The following MGMT variants were observed in gnomAD, a reference collection of about 807,000 sequenced individuals.
MGMT encodes O-6-methylguanine-DNA methyltransferase, also known as methylated-DNA--protein-cysteine methyltransferase.
Under a neutral mutation model 15.9 loss-of-function variants are expected in MGMT, and 14 were observed. The ratio of observed to expected loss-of-function variants is 0.88; its 90% CI spans 0.58 to 1.37. The LOEUF is 1.37. MGMT is among the 40% of genes most tolerant of loss of function. The pLI is 0.00. For missense variants in MGMT, 282 were observed against 268.1 expected (o/e 1.05, Z -0.36); for synonymous variants, 130 against 118.2 (o/e 1.10, Z -0.65).
chr10:129,658,846 G>C (rs899632274), intron 2 of MGMT, among the ~76,000 whole-genome samples: 1 of 152,080 alleles, frequency 6.6e-6, no homozygotes, highest in African/African-American at 2.4e-5. Flanking sequence ...CCCTTAGCTC[G>C]CGTGCCCAAC....
intron 3 of MGMT, among the ~76,000 whole-genome samples, chr10:129,726,698 C>T (rs868851499): frequency 1.3e-5 from 2 of 152,230 alleles, no homozygotes; most frequent in Admixed American, 6.5e-5. Context: ...TCAGTTTTGT[C>T]TCTTTGCTGC....
intron 1 of MGMT, 118 bp downstream of exon 1, chr10:129,467,414 AC>A (rs915708015): frequency 1.5e-3 from 1,990 of 1,358,238 alleles, no homozygotes; most frequent in Non-Finnish European, 1.8e-3. Flanking sequence ...GGCCGCCCTG[AC>A]CCCCACCCAT....
chr10:129,648,993 T>C (rs369642786), intron 2 of MGMT, among the ~76,000 whole-genome samples: 1 of 152,224 alleles, frequency 6.6e-6, no homozygotes, highest in African/African-American at 2.4e-5. Context: ...ACCGTGTTCA[T>C]GCTTGCGAGC....
At chr10:129,706,411 A>G (rs1001175584) in intron 2 of MGMT, among the ~76,000 whole-genome samples, 59 of 152,182 alleles carry the variant, frequency 3.9e-4, no homozygotes, top group African/African-American at 1.4e-3. Flanking sequence ...AACATTCTGT[A>G]GATCTCAGCG....
chr10:129,629,988 C>G (rs1222634777), intron 2 of MGMT, among the ~76,000 whole-genome samples: 1 of 152,250 alleles, frequency 6.6e-6, no homozygotes, highest in Non-Finnish European at 1.5e-5. Flanking sequence ...GGCCCTCACA[C>G]ACACGGATCT....
chr10:129,543,355 T>G (rs1846065527), intron 2 of MGMT, among the ~76,000 whole-genome samples: 2 of 152,182 alleles, frequency 1.3e-5, no homozygotes, highest in Admixed American at 1.3e-4. Context: ...CTCCTCTGAT[T>G]GGCAGCTGAA....
At position 129,540,470 on chromosome 10, in the gene MGMT, T is replaced by TG. The variant is rs549834371; in HGVS notation, c.125+4093_125+4094insG. Among the ~76,000 whole-genome samples, 242 of 152,330 alleles carry TG rather than the reference T, an allele frequency of 1.6e-3. 1 individual carries two copies. Among genetic ancestry groups the TG allele is most frequent in the African/African-American group, 5.5e-3 (228 of 41,568 alleles). On this transcript the variant is annotated intron_variant, in intron 2 of 4. Coordinates refer to ENST00000651593, the MANE Select transcript of MGMT (RefSeq NM_002412.5). ...CCTGGTTTGGGGGAGCTTGCAGGAT[T>TG]TCACCAGTGAGGACTTGCTCCCCAT... is the stretch of plus-strand genomic sequence containing the variant.
intron 2 of MGMT, among the ~76,000 whole-genome samples, chr10:129,681,534 C>T (rs1847852649): frequency 6.6e-6 from 1 of 152,140 alleles, no homozygotes; most frequent in Non-Finnish European, 1.5e-5. Context: ...TTTTGCTCTG[C>T]AAAAGGTCTT....
At chr10:129,541,059 T>C (rs1846037199) in intron 2 of MGMT, among the ~76,000 whole-genome samples, 1 of 152,236 alleles carries the variant, frequency 6.6e-6, no homozygotes. Flanking sequence ...GTTTCTTTAG[T>C]AGATAAATTA....
Position 129,602,951 on chromosome 10 carries a change from G to A in MGMT, c.125+66574G>A, listed in dbSNP as rs188968960. ...TGTGGATACCGAGGTTCCACACAAA[G>A]CAAACAAAGAGGTCATTCTTAGCAG... On this transcript the variant is annotated intron_variant, in intron 2 of 4. Transcript: ENST00000651593. 2.0e-3 allele frequency among the ~76,000 whole-genome samples: 300 copies of A among 152,254 alleles called. 1 individual carries two copies. The highest frequency in any genetic ancestry group is 3.4e-3 in the Middle Eastern group (1 of 294).
chr10:129,594,803 T>C (rs1026308925), intron 2 of MGMT, among the ~76,000 whole-genome samples: 4 of 152,188 alleles, frequency 2.6e-5, no homozygotes, highest in Non-Finnish European at 4.4e-5. Context: ...ATGCCCTCCA[T>C]CCTCAGTTGA....
intron 2 of MGMT, among the ~76,000 whole-genome samples, chr10:129,602,556 CA>C (rs1435959185): frequency 2.6e-5 from 4 of 152,136 alleles, no homozygotes; most frequent in Non-Finnish European, 1.5e-5. Context: ...GAGAGCCACA[CA>C]AAGCAAAACA....
intron 2 of MGMT, among the ~76,000 whole-genome samples, chr10:129,698,724 G>A (rs981941081): frequency 7.9e-5 from 12 of 152,290 alleles, no homozygotes; most frequent in Admixed American, 6.5e-4. Context: ...CTTCATTCCA[G>A]GCTGTCTTTA....
intron 1 of MGMT, among the ~76,000 whole-genome samples, chr10:129,510,854 A>G (rs1845674323): frequency 6.7e-6 from 1 of 150,290 alleles, no homozygotes; most frequent in Admixed American, 6.6e-5. Context: ...TGCAGTAGGA[A>G]CCCCATATAT....
intron 2 of MGMT, among the ~76,000 whole-genome samples, chr10:129,661,796 C>T (rs1270183703): frequency 2.0e-5 from 3 of 152,202 alleles, no homozygotes; most frequent in African/African-American, 4.8e-5. Context: ...AAAGGACTAT[C>T]TTGACTTACG....
At chr10:129,645,309 A>G (rs1205734318) in intron 2 of MGMT, among the ~76,000 whole-genome samples, 1 of 151,856 alleles carries the variant, frequency 6.6e-6, no homozygotes, top group Non-Finnish European at 1.5e-5. Context: ...TTTGGTAGAG[A>G]TGAGGTTTTA....
intron 2 of MGMT, among the ~76,000 whole-genome samples, chr10:129,630,327 T>C (rs1377476732): frequency 6.6e-6 from 1 of 152,198 alleles, no homozygotes; most frequent in African/African-American, 2.4e-5. Flanking sequence ...AAGGGCAATT[T>C]AAAAGTTGGA....
chr10:129,654,538 C>T (rs1331992466), intron 2 of MGMT, among the ~76,000 whole-genome samples: 2 of 152,168 alleles, frequency 1.3e-5, no homozygotes, highest in Admixed American at 6.5e-5. Flanking sequence ...AACCTCAGAT[C>T]GAGACACCAG....
intron 3 of MGMT, among the ~76,000 whole-genome samples, chr10:129,750,666 A>C (rs1419420213): frequency 6.6e-6 from 1 of 152,128 alleles, no homozygotes; most frequent in Non-Finnish European, 1.5e-5. Context: ...CAAGGGTTAT[A>C]TGCAAATACT....
Sources: gnomAD v4.1 joint callset for allele counts (sites outside exome capture counted in the v4.1 genomes callset) on GRCh38, gnomAD v4.1.1 for gene constraint, MANE v1.5 for transcripts, NCBI Gene and HGNC (gene_info 2026-07-23, HGNC 2026-07-21) for gene names.